The following RNF217 variants were observed in gnomAD, a reference collection of about 807,000 sequenced individuals.
RNF217 encodes E3 ubiquitin-protein ligase RNF217.
Under a neutral mutation model 57.8 loss-of-function variants are expected in RNF217, and 31 were observed. The observed-to-expected ratio is 0.54, with a 90% CI of 0.40 to 0.72. The LOEUF is 0.72. RNF217 is among the 30% of genes least tolerant of loss of function. The probability of loss-of-function intolerance (pLI) is 0.00; values close to 1 mark genes in which losing one functional copy is unlikely to be tolerated. For missense variants in RNF217, 696 were observed against 708.3 expected (o/e 0.98, Z 0.20); for synonymous variants, 313 against 294.0 (o/e 1.06, Z -0.66).
chr6:124,969,422 C>CAA (rs1783676001), intron 1 of RNF217, among the ~76,000 whole-genome samples: 1 of 152,020 alleles, frequency 6.6e-6, no homozygotes, highest in African/African-American at 2.4e-5. Flanking sequence ...TGAACCTTCC[C>CAA]AAATTGAATT....
chr6:124,981,177 A>T (rs765787777), intron 1 of RNF217, among the ~76,000 whole-genome samples: 13 of 152,248 alleles, frequency 8.5e-5, no homozygotes, highest in Non-Finnish European at 1.8e-4. Flanking sequence ...TAATTAAAAA[A>T]TTTGATTTTA....
At chr6:124,987,814 T>A (rs1379548345) in intron 1 of RNF217, among the ~76,000 whole-genome samples, 1 of 152,162 alleles carries the variant, frequency 6.6e-6, no homozygotes, top group Non-Finnish European at 1.5e-5. Flanking sequence ...AGCTCAACAC[T>A]TGAATCTTGT....
chr6:125,044,162 A>G (rs1439436321), intron 1 of RNF217, among the ~76,000 whole-genome samples: 1 of 151,864 alleles, frequency 6.6e-6, no homozygotes, highest in Admixed American at 6.6e-5. Flanking sequence ...TTCTACTCCA[A>G]GTGCGCATGT....
chr6:125,013,948 C>T (rs1785512720), intron 1 of RNF217, among the ~76,000 whole-genome samples: 1 of 152,278 alleles, frequency 6.6e-6, no homozygotes, highest in Admixed American at 6.5e-5. Flanking sequence ...GCCCCGCTGA[C>T]TACATGTGCA....
At chr6:125,042,932 A>G (rs1786942429) in intron 1 of RNF217, among the ~76,000 whole-genome samples, 1 of 152,116 alleles carries the variant, frequency 6.6e-6, no homozygotes, top group African/African-American at 2.4e-5. Flanking sequence ...CTGCTTCCCA[A>G]TAACAAGTGC....
At chr6:125,039,515 C>G (rs983314828) in intron 1 of RNF217, among the ~76,000 whole-genome samples, 20 of 151,966 alleles carry the variant, frequency 1.3e-4, no homozygotes, top group African/African-American at 4.4e-4. Context: ...ACTTTAACAC[C>G]ACATTTTCAA....
intron 1 of RNF217, chr6:125,006,320 A>G (rs1785177701): frequency 6.6e-6 from 1 of 152,200 alleles, no homozygotes; most frequent in South Asian, 2.1e-4. Flanking sequence ...GAGTTGTTCA[A>G]TGCAGGTGAT....
intron 1 of RNF217, among the ~76,000 whole-genome samples, chr6:125,025,889 A>C (rs543100923): frequency 6.6e-6 from 1 of 152,314 alleles, no homozygotes; most frequent in African/African-American, 2.4e-5. Context: ...TGTCAAGTAC[A>C]AGGTGAAGTT....
chr6:125,053,978 A>G, intron 2 of RNF217, among the ~76,000 whole-genome samples: 1 of 152,178 alleles, frequency 6.6e-6, no homozygotes, highest in East Asian at 1.9e-4. Context: ...CTCAGCCACT[A>G]GTCATAAATT....
At position 125,077,937 on chromosome 6, in the gene RNF217, T is replaced by C. The variant is rs188720155; in HGVS notation, c.1483+1079T>C. ...GAACAAAGCTGATGTTAGTGATAGATTTCTATCAGGTAAAAGATAGAACAT... is the reference window on the plus strand; with the variant it reads ...GAACAAAGCTGATGTTAGTGATAGACTTCTATCAGGTAAAAGATAGAACAT... On this transcript the variant is annotated intron_variant, in intron 4 of 5. Transcript: ENST00000521654. 1.7e-3 allele frequency among the ~76,000 whole-genome samples: 265 copies of C among 152,292 alleles called. 1 individual carries two copies. The highest frequency in any genetic ancestry group is 5.7e-3 in the African/African-American group (238 of 41,576).
intron 1 of RNF217, among the ~76,000 whole-genome samples, chr6:124,995,390 A>T (rs780745426): frequency 6.6e-6 from 1 of 152,210 alleles, no homozygotes; most frequent in Non-Finnish European, 1.5e-5. Flanking sequence ...ATTATTTATT[A>T]ATTTAGTTTC....
intron 1 of RNF217, among the ~76,000 whole-genome samples, chr6:125,021,256 A>G (rs1050880607): frequency 7.1e-6 from 1 of 141,444 alleles, no homozygotes; most frequent in East Asian, 2.1e-4. Flanking sequence ...GACAGTAATA[A>G]CATGGAAAAA....
intron 1 of RNF217, among the ~76,000 whole-genome samples, chr6:125,040,868 C>T (rs903341152): frequency 3.9e-5 from 6 of 152,110 alleles, no homozygotes; most frequent in Non-Finnish European, 2.9e-5. Context: ...TCAATAGATG[C>T]AGAAAAGGCC....
intron 1 of RNF217, among the ~76,000 whole-genome samples, chr6:124,984,840 A>T (rs1013629558): frequency 2.6e-5 from 4 of 152,166 alleles, no homozygotes; most frequent in African/African-American, 9.7e-5. Context: ...TAAGCAAAGA[A>T]TTCCTGCAGG....
At chr6:124,998,452 T>C (rs536654519) in intron 1 of RNF217, among the ~76,000 whole-genome samples, 21 of 152,310 alleles carry the variant, frequency 1.4e-4, no homozygotes, top group Non-Finnish European at 1.9e-4. Context: ...AAATTCAGAA[T>C]TTCTCTACCA....
Position 124,963,308 on chromosome 6 carries a change from A to C in RNF217, c.764A>C (p.Tyr255Ser). The C allele has an allele frequency of 6.5e-7, 1 of 1,535,690 alleles. No homozygotes were observed. Among genetic ancestry groups the C allele is most frequent in the Non-Finnish European group, 8.7e-7 (1 of 1,146,736 alleles). Residue 255 changes from tyrosine (Y) to serine (S), a missense_variant, in exon 1 of 6, where the codon TAT becomes TCT. Transcript: ENST00000521654. The stretch of plus-strand genomic sequence containing the variant: ...GGCCTGGGCGGTGTAGGGGATCCCT[A>C]TGTGCCCCTCATGGTGCTGATGTGC... ...YSGLGGVGDP[Y>S]VPLMVLMCRV...
At chr6:124,989,774 A>G (rs1784488204) in intron 1 of RNF217, among the ~76,000 whole-genome samples, 1 of 152,028 alleles carries the variant, frequency 6.6e-6, no homozygotes, top group African/African-American at 2.4e-5. Flanking sequence ...CATGGACCAA[A>G]TAATTTACTG....
intron 1 of RNF217, among the ~76,000 whole-genome samples, chr6:125,030,257 G>C (rs1339725558): frequency 1.3e-5 from 2 of 152,094 alleles, no homozygotes; most frequent in African/African-American, 2.4e-5. Context: ...TGGGGGCACA[G>C]CCAAACCATA....
At chr6:124,998,745 G>A (rs1784847623) in intron 1 of RNF217, among the ~76,000 whole-genome samples, 1 of 152,186 alleles carries the variant, frequency 6.6e-6, no homozygotes, top group African/African-American at 2.4e-5. Context: ...AGGCTGCAGT[G>A]AGCCATCGCA....
Sources: allele counts gnomAD v4.1 joint callset (sites outside exome capture counted in the v4.1 genomes callset), GRCh38; gene constraint gnomAD v4.1.1; transcripts MANE v1.5; gene names NCBI Gene and HGNC (gene_info 2026-07-23, HGNC 2026-07-21).